ZNF423: variants seen among roughly 807,000 people sequenced by gnomAD.
ZNF423 encodes Ebf-associated zinc finger protein.
In ZNF423, 12 loss-of-function variants were observed where a neutral mutation model predicts 95.8. That is an observed-to-expected ratio of 0.13 (90% CI 0.08 to 0.20). The LOEUF is 0.20. ZNF423 is among the 10% of genes least tolerant of loss of function. The probability of loss-of-function intolerance (pLI) is 1.00; values close to 1 mark genes in which losing one functional copy is unlikely to be tolerated. For missense variants in ZNF423, 1,316 were observed against 1,737.1 expected (o/e 0.76, Z 4.31); for synonymous variants, 749 against 711.9 (o/e 1.05, Z -0.83).
chr16:49,768,250 G>C lies in ZNF423; in HGVS notation c.100+21237C>G, dbSNP rs534023514. On this transcript the variant is annotated intron_variant, in intron 2 of 7. Coordinates refer to ENST00000563137, the MANE Select transcript of ZNF423 (RefSeq NM_001379286.1). ...AGCGGGAGCCGGGAACGGGGGCGCG[G>C]CGCGGACACCCCCGGATGGGCCAGT... Among the ~76,000 whole-genome samples, 392 of 152,310 alleles carry C rather than the reference G, an allele frequency of 2.6e-3. 5 individuals carry two copies. Among genetic ancestry groups the C allele is most frequent in the African/African-American group, 8.7e-3 (362 of 41,564 alleles).
intron 3 of ZNF423, among the ~76,000 whole-genome samples, chr16:49,709,418 T>C (rs2032472703): frequency 1.3e-5 from 2 of 151,880 alleles, no homozygotes; most frequent in Non-Finnish European, 2.9e-5. Context: ...CCTTTTTTCA[T>C]GGAAGACACG....
intron 3 of ZNF423, among the ~76,000 whole-genome samples, chr16:49,669,006 GA>G (rs1290566783): frequency 6.6e-6 from 1 of 152,180 alleles, no homozygotes; most frequent in Non-Finnish European, 1.5e-5. Flanking sequence ...TAAGCACAGA[GA>G]GTGGGGAGTG....
At chr16:49,640,610 C>T (rs1224124259) in intron 3 of ZNF423, 2 of 148,210 alleles carry the variant, frequency 1.3e-5, no homozygotes, top group Non-Finnish European at 3.0e-5. Context: ...CCCCGCAGCG[C>T]TGATTGTGTG....
intron 1 of ZNF423, among the ~76,000 whole-genome samples, chr16:49,809,221 C>T (rs529322752): frequency 8.5e-5 from 13 of 152,354 alleles, no homozygotes; most frequent in Non-Finnish European, 1.5e-4. Flanking sequence ...CAAAACATAG[C>T]GGCCCACACA....
intron 3 of ZNF423, among the ~76,000 whole-genome samples, chr16:49,704,150 G>A (rs963874809): frequency 6.6e-6 from 1 of 152,074 alleles, no homozygotes; most frequent in Non-Finnish European, 1.5e-5. Context: ...TAGCCCCTCT[G>A]GAACACCCTG....
intron 3 of ZNF423, among the ~76,000 whole-genome samples, chr16:49,689,147 A>G (rs868146955): frequency 6.6e-6 from 1 of 152,156 alleles, no homozygotes; most frequent in South Asian, 2.1e-4. Context: ...GTGTTGTATA[A>G]TAAAGAATTT....
At chr16:49,732,281 C>T (rs2033187515) in intron 2 of ZNF423, among the ~76,000 whole-genome samples, 1 of 152,180 alleles carries the variant, frequency 6.6e-6, no homozygotes. Context: ...ATAAGACACA[C>T]CAGGAACTTG....
At chr16:49,624,252 A>G in intron 5 of ZNF423, among the ~76,000 whole-genome samples, 1 of 152,192 alleles carries the variant, frequency 6.6e-6, no homozygotes, top group South Asian at 2.1e-4. Context: ...TATGTTCATC[A>G]GTAGATATGT....
chr16:49,724,840 T>C (rs1275139514), intron 3 of ZNF423, among the ~76,000 whole-genome samples: 1 of 152,206 alleles, frequency 6.6e-6, no homozygotes, highest in Non-Finnish European at 1.5e-5. Flanking sequence ...CAAGAAGGGA[T>C]AGCGGAGAGG....
At chr16:49,841,516 A>G (rs1251163553) in intron 1 of ZNF423, among the ~76,000 whole-genome samples, 6 of 152,190 alleles carry the variant, frequency 3.9e-5, no homozygotes, top group African/African-American at 1.4e-4. Flanking sequence ...GCCTGTATAC[A>G]AGGGGTGCCC....
Position 49,730,859 on chromosome 16 carries a change from A to G in ZNF423, c.213T>C (p.Asp71=). ...ERNEDDEDME[D]ESIYTCDHCQ... ...AGTGATCGCAGGTGTAAATTGATTC[A>G]TCCTCCATGTCTTCATCATCCTCAT... Residue 71 remains aspartate, a synonymous_variant, in exon 3 of 8, where the codon GAT becomes GAC. Coordinates refer to ENST00000563137, the MANE Select transcript of ZNF423 (RefSeq NM_001379286.1). 6.2e-7 allele frequency: 1 copy of G among 1,614,074 alleles called. No homozygotes were observed. The highest frequency in any genetic ancestry group is 8.5e-7 in the Non-Finnish European group (1 of 1,180,020).
intron 5 of ZNF423, among the ~76,000 whole-genome samples, chr16:49,602,422 G>T (rs1030667667): frequency 2.0e-5 from 3 of 152,214 alleles, no homozygotes; most frequent in Non-Finnish European, 4.4e-5. Context: ...GAGGGTGGGG[G>T]TGAAGGTCAG....
At chr16:49,741,838 G>C (rs1482514274) in intron 2 of ZNF423, among the ~76,000 whole-genome samples, 1 of 152,216 alleles carries the variant, frequency 6.6e-6, no homozygotes, top group Non-Finnish European at 1.5e-5. Flanking sequence ...GCAAGACCTT[G>C]GTTGCTTGTA....
rs776399010 is a variant in ZNF423, at chr16:49,824,645, T to C, written c.40+31090A>G. 1.7e-4 allele frequency among the ~76,000 whole-genome samples: 26 copies of C among 152,294 alleles called. No individual in the cohort carries two copies. The Middle Eastern group carries it at 0.01, about 60-fold the overall frequency. On this transcript the variant is annotated intron_variant, in intron 1 of 7. Transcript: ENST00000563137. ...CCTGGGCACCACCAGAGCTCCAAGATAAACTTGGGCGAGTCACTTCCCATC... is the reference window on the plus strand; with the variant it reads ...CCTGGGCACCACCAGAGCTCCAAGACAAACTTGGGCGAGTCACTTCCCATC...
At chr16:49,663,405 C>T (rs28438850) in intron 3 of ZNF423, among the ~76,000 whole-genome samples, 2 of 152,030 alleles carry the variant, frequency 1.3e-5, no homozygotes, top group Non-Finnish European at 2.9e-5. Context: ...CCACCCCCCT[C>T]GAGGCCCTAC....
chr16:49,716,724 G>A (rs569195940), intron 3 of ZNF423, among the ~76,000 whole-genome samples: 61 of 152,054 alleles, frequency 4.0e-4, no homozygotes, highest in African/African-American at 1.4e-3. Flanking sequence ...CTTTTGCTGC[G>A]ACACTAGAAG....
chr16:49,848,653 A>G (rs1431083093), intron 1 of ZNF423, among the ~76,000 whole-genome samples: 1 of 152,214 alleles, frequency 6.6e-6, no homozygotes, highest in Admixed American at 6.5e-5. Context: ...AGATGACATG[A>G]ACATCTGCTT....
intron 5 of ZNF423, among the ~76,000 whole-genome samples, chr16:49,586,846 G>A (rs1007081421): frequency 5.3e-5 from 8 of 152,192 alleles, no homozygotes; most frequent in African/African-American, 1.9e-4. Context: ...GAGCCTGGCT[G>A]ATTTTTCTTG....
At chr16:49,664,307 C>A in intron 3 of ZNF423, 1 of 985,648 alleles carries the variant, frequency 1.0e-6, no homozygotes, top group Middle Eastern at 5.2e-4. Context: ...GCTCCCGCGG[C>A]GGCGCTTGGC....
Sources: allele counts gnomAD v4.1 joint callset (sites outside exome capture counted in the v4.1 genomes callset), GRCh38; gene constraint gnomAD v4.1.1; transcripts MANE v1.5; gene names NCBI Gene and HGNC (gene_info 2026-07-23, HGNC 2026-07-21).